The following PTPRK variants were observed in gnomAD, a reference collection of about 807,000 sequenced individuals.
The protein encoded by PTPRK is receptor-type tyrosine-protein phosphatase kappa.
In PTPRK, 75 loss-of-function variants were observed where a neutral mutation model predicts 178.0. That is an observed-to-expected ratio of 0.42 (90% CI 0.35 to 0.51). PTPRK has a LOEUF of 0.51. Among genes scored for constraint, PTPRK ranks in the 20% least tolerant of loss-of-function variants. The pLI is 0.02. For synonymous variants in PTPRK, 637 were observed against 620.6 expected (o/e 1.03, Z -0.39); for missense variants, 1,441 against 1,797.8 (o/e 0.80, Z 3.59).
chr6:128,364,041 G>A (rs1369487397), intron 2 of PTPRK, among the ~76,000 whole-genome samples: 1 of 151,998 alleles, frequency 6.6e-6, no homozygotes, highest in Non-Finnish European at 1.5e-5. Flanking sequence ...ATAAGAGTTA[G>A]TAATTAGCAG....
chr6:128,487,156 G>A (rs770262957), intron 1 of PTPRK, among the ~76,000 whole-genome samples: 1 of 141,620 alleles, frequency 7.1e-6, no homozygotes, highest in African/African-American at 2.6e-5. Flanking sequence ...TGTTGTGAGC[G>A]CTGACATTTT....
intron 2 of PTPRK, among the ~76,000 whole-genome samples, chr6:128,339,716 A>C (rs186302742): frequency 1.4e-3 from 211 of 152,312 alleles, no homozygotes; most frequent in Non-Finnish European, 2.1e-3. Context: ...ATAAGTAAAT[A>C]AATGAGAGTC....
chr6:128,467,466 C>A (rs1045334647), intron 1 of PTPRK, among the ~76,000 whole-genome samples: 5 of 152,214 alleles, frequency 3.3e-5, no homozygotes, highest in Non-Finnish European at 7.4e-5. Flanking sequence ...AGAACTACAT[C>A]CTAACCGTAA....
intron 11 of PTPRK, among the ~76,000 whole-genome samples, chr6:128,074,935 A>G (rs1189837267): frequency 6.6e-6 from 1 of 152,072 alleles, no homozygotes; most frequent in Non-Finnish European, 1.5e-5. Flanking sequence ...CTTTTCATAG[A>G]GAGAGCATTA....
chr6:128,452,636 TCTGAA>T (rs1358590776), intron 1 of PTPRK, among the ~76,000 whole-genome samples: 2 of 152,070 alleles, frequency 1.3e-5, no homozygotes, highest in African/African-American at 4.8e-5. Context: ...ACAGCAAAAT[TCTGAA>T]CTGATCATGA....
chr6:128,113,531 A>G (rs1287056732), intron 7 of PTPRK, among the ~76,000 whole-genome samples: 3 of 151,936 alleles, frequency 2.0e-5, no homozygotes, highest in African/African-American at 7.2e-5. Context: ...CTATTTACAT[A>G]CCATTTACAT....
In PTPRK at chr6:128,517,561, G is replaced by A. The variant is rs546884028; in HGVS notation, c.100+2698C>T. Among the ~76,000 whole-genome samples, 3 of 152,288 alleles carry A rather than the reference G, an allele frequency of 2.0e-5. No individual in the cohort carries two copies. The South Asian group carries it at 6.2e-4, about 32-fold the overall frequency. The stretch of plus-strand genomic sequence containing the variant: ...GAGTTGGGATTTACAGAACGTTCTG[G>A]TTTTAAAGAGGCTCACAGTGCAGCA... On this transcript the variant is annotated intron_variant, in intron 1 of 29. Transcript: ENST00000368226.
chr6:128,375,176 C>T (rs899151396), intron 2 of PTPRK, among the ~76,000 whole-genome samples: 3 of 150,866 alleles, frequency 2.0e-5, no homozygotes, highest in Non-Finnish European at 4.4e-5. Context: ...GGATTTAGCC[C>T]AAGTGCCTGG....
intron 3 of PTPRK, among the ~76,000 whole-genome samples, chr6:128,246,753 C>A (rs1259037362): frequency 6.6e-6 from 1 of 152,222 alleles, no homozygotes; most frequent in Non-Finnish European, 1.5e-5. Context: ...CAGATGTCAA[C>A]TTTAAACCTT....
rs1834563980 is a variant in PTPRK, at chr6:128,360,383, G to A, written c.223+37183C>T. Among the ~76,000 whole-genome samples, 6 of 152,004 alleles carry A rather than the reference G, an allele frequency of 3.9e-5. No individual in the cohort carries two copies. The South Asian group carries it at 8.3e-4, about 21-fold the overall frequency. On this transcript the variant is annotated intron_variant, in intron 2 of 29. Coordinates refer to ENST00000368226, the MANE Select transcript of PTPRK (RefSeq NM_002844.4). ...TTCTTAAAATCATGGGCCAGTAAGG[G>A]GCACAGATTTCCAACACTTTTCCTA...
intron 2 of PTPRK, among the ~76,000 whole-genome samples, chr6:128,344,999 G>C (rs972537410): frequency 6.0e-5 from 9 of 150,536 alleles, no homozygotes; most frequent in Admixed American, 1.3e-4. Flanking sequence ...TAGGAGAATG[G>C]GGGGGGAAAG....
intron 3 of PTPRK, among the ~76,000 whole-genome samples, chr6:128,316,799 C>A (rs914340308): frequency 2.6e-5 from 4 of 151,292 alleles, no homozygotes; most frequent in African/African-American, 7.3e-5. Flanking sequence ...CTCACTGCAA[C>A]CTCCGCCTCC....
At chr6:128,520,098 G>T (rs1858796826) in intron 1 of PTPRK, among the ~76,000 whole-genome samples, 161 bp downstream of exon 1, 1 of 152,078 alleles carries the variant, frequency 6.6e-6, no homozygotes, top group Non-Finnish European at 1.5e-5. Flanking sequence ...GTCCCACCTG[G>T]CACGAACTCT....
At chr6:128,497,535 G>C (rs1854866588) in intron 1 of PTPRK, among the ~76,000 whole-genome samples, 1 of 152,134 alleles carries the variant, frequency 6.6e-6, no homozygotes, top group Admixed American at 6.6e-5. Context: ...TGAGTAAATA[G>C]AAAATGTCAA....
At chr6:128,100,314 G>A (rs1467834786) in intron 7 of PTPRK, among the ~76,000 whole-genome samples, 2 of 151,844 alleles carry the variant, frequency 1.3e-5, no homozygotes, top group African/African-American at 4.8e-5. Flanking sequence ...TTGAGATAAT[G>A]GAATGAAGAC....
At chr6:128,284,265 T>C (rs999312140) in intron 3 of PTPRK, among the ~76,000 whole-genome samples, 26 of 152,188 alleles carry the variant, frequency 1.7e-4, no homozygotes, top group African/African-American at 6.3e-4. Flanking sequence ...CCAGGGTAAG[T>C]ACTAACAATT....
intron 3 of PTPRK, among the ~76,000 whole-genome samples, chr6:128,312,163 C>T (rs1019068398): frequency 6.6e-6 from 1 of 152,216 alleles, no homozygotes; most frequent in Non-Finnish European, 1.5e-5. Context: ...TACAGCATTT[C>T]TTCCTCCTGG....
intron 3 of PTPRK, among the ~76,000 whole-genome samples, chr6:128,253,441 T>C (rs1816802553): frequency 6.6e-6 from 1 of 152,192 alleles, no homozygotes; most frequent in Non-Finnish European, 1.5e-5. Flanking sequence ...ATCTTTACTA[T>C]CATAGCTCCA....
chr6:128,468,001 T>C (rs1357346978), intron 1 of PTPRK, among the ~76,000 whole-genome samples: 1 of 152,236 alleles, frequency 6.6e-6, no homozygotes, highest in Non-Finnish European at 1.5e-5. Flanking sequence ...TCTACACCTA[T>C]ATATCCAACT....
Sources: allele counts gnomAD v4.1 joint callset (sites outside exome capture counted in the v4.1 genomes callset), GRCh38; gene constraint gnomAD v4.1.1; transcripts MANE v1.5; gene names NCBI Gene and HGNC (gene_info 2026-07-23, HGNC 2026-07-21).